RFC5: variants seen among roughly 807,000 people sequenced by gnomAD.
RFC5 encodes A1 36 kDa subunit.
In RFC5, 26 loss-of-function variants were observed where a neutral mutation model predicts 44.3. That is an observed-to-expected ratio of 0.59 (90% CI 0.43 to 0.81). The LOEUF is 0.81. Ranked by LOEUF, RFC5 falls within the 40% of genes least tolerant of loss-of-function variation. RFC5 has a pLI of 0.00. For synonymous variants in RFC5, 155 were observed against 155.2 expected (o/e 1.00, Z 0.01); for missense variants, 328 against 418.6 (o/e 0.78, Z 1.89).
At chr12:118,034,900 A>T (rs2031470670), downstream of RFC5, 2 of 1,341,336 alleles carry the variant, frequency 1.5e-6, no homozygotes, top group Non-Finnish European at 1.0e-6. Context: ...TAGGCAAGAA[A>T]ATTCTAGATG....
chr12:118,036,299 C>G, downstream of RFC5: 2 of 1,593,822 alleles, frequency 1.3e-6, no homozygotes. Flanking sequence ...CCTCATCAGT[C>G]CCCCCACAAA....
At chr12:118,021,285 C>G (rs1050120210) in intron 4 of RFC5, among the ~76,000 whole-genome samples, 10 of 151,458 alleles carry the variant, frequency 6.6e-5, no homozygotes, top group African/African-American at 2.4e-4. Context: ...GATCTCGGCT[C>G]ACTGCAACCT....
chr12:118,016,987 C>T (rs1481507929), intron 1 of RFC5, 95 bp downstream of exon 1: 5 of 967,454 alleles, frequency 5.2e-6, no homozygotes, highest in South Asian at 1.4e-5. Context: ...GACCCCAACC[C>T]GACCTCTTCC....
chr12:118,027,190 A>C, intron 8 of RFC5, 172 bp downstream of exon 8: 1 of 624,232 alleles, frequency 1.6e-6, no homozygotes, highest in Non-Finnish European at 2.8e-6. Flanking sequence ...TGTCTTTAGC[A>C]CTCCAGAGTT....
intron 7 of RFC5, 97 bp from the exon 8 acceptor site, chr12:118,026,792 T>A (rs2030972851): frequency 7.2e-7 from 1 of 1,381,600 alleles, no homozygotes; most frequent in Non-Finnish European, 1.0e-6. Context: ...GCTGCTCACC[T>A]GCATTGCTGC....
rs752999423 is a variant in RFC5, at chr12:118,026,874, CCT to C, written c.664-12_664-11del. The stretch of plus-strand genomic sequence containing the variant: ...CAGCCACTGTGATCTCCCCTTTCCC[CCT>C]CTGTCTACACAGAGCACCAATATGG... On this transcript the variant is annotated splice_polypyrimidine_tract_variant and intron_variant, in intron 7 of 10. Transcript: ENST00000454402. The C allele has an allele frequency of 2.5e-6, 4 of 1,610,950 alleles. No homozygotes were observed. Among genetic ancestry groups the C allele is most frequent in the Non-Finnish European group, 3.4e-6 (4 of 1,178,666 alleles).
intron 5 of RFC5, 110 bp downstream of exon 5, chr12:118,022,469 T>C: frequency 6.7e-6 from 5 of 746,456 alleles, no homozygotes; most frequent in Non-Finnish European, 6.8e-6. Flanking sequence ...GGGGGAGTTT[T>C]TTTTTCTTTT....
At chr12:118,038,484 T>TA in the RFC5 span, 1 of 1,127,800 alleles carries the variant, frequency 8.9e-7, no homozygotes. Context: ...CCCAGCCCAG[T>TA]ATACCCATCA....
chr12:118,032,917 G>A (rs16948110), downstream of RFC5: 2 of 151,890 alleles, frequency 1.3e-5, no homozygotes, highest in South Asian at 2.1e-4. Context: ...GCTTTTAACT[G>A]TTGTTTTTTT....
chr12:118,023,532 C>T (rs775684433), intron 5 of RFC5, among the ~76,000 whole-genome samples: 9 of 150,870 alleles, frequency 6.0e-5, no homozygotes, highest in East Asian at 2.0e-4. Context: ...AGGAGGACAG[C>T]GAGAATATCT....
intron 5 of RFC5, among the ~76,000 whole-genome samples, chr12:118,023,837 A>C (rs1449709660): frequency 6.6e-6 from 1 of 151,712 alleles, no homozygotes; most frequent in African/African-American, 2.4e-5. Flanking sequence ...ATGGGATTAC[A>C]TGGCAAAAGT....
At chr12:118,034,460 C>A, downstream of RFC5, 1 of 1,391,010 alleles carries the variant, frequency 7.2e-7, no homozygotes, top group Non-Finnish European at 9.8e-7. Flanking sequence ...GAGCAGGAGA[C>A]TTCGGAGAGT....
At chr12:118,039,930 G>A in the RFC5 span, among the ~76,000 whole-genome samples, 19 of 151,976 alleles carry the variant, frequency 1.3e-4, no homozygotes, top group East Asian at 3.3e-3. Flanking sequence ...ATTTTTAGTA[G>A]AGCCGGAGTT....
chr12:118,026,505 A>G (rs1179508085), intron 7 of RFC5, among the ~76,000 whole-genome samples: 1 of 152,184 alleles, frequency 6.6e-6, no homozygotes, highest in Non-Finnish European at 1.5e-5. Context: ...AGGCTGAGGC[A>G]GGAGGGTGAC....
In RFC5 at chr12:118,019,166, C is replaced by T; in HGVS notation, c.130+30C>T. 1 of 1,496,452 alleles carries T rather than the reference C, an allele frequency of 6.7e-7. No homozygotes were observed. Among genetic ancestry groups the T allele is most frequent in the Non-Finnish European group, 9.3e-7 (1 of 1,073,462 alleles). 92.7% of individuals were successfully genotyped at this position (1,496,452 alleles called of 1,614,324 possible). On this transcript the variant is annotated intron_variant, in intron 2 of 10. Coordinates refer to ENST00000454402, the MANE Select transcript of RFC5 (RefSeq NM_007370.7). This position sits in a 1 kb window ranked among gnomAD's most constrained non-coding sequence, Gnocchi z 4.2. ...GTATTCATGTGTCAGTTGCTCTTGT[C>T]CTGCTTGAGCGACTTGTATAAATTG...
chr12:118,019,614 T>C lies in RFC5; in HGVS notation c.131-18T>C. ...CTCCCAAAGACTGATGGTGCCCTTC[T>C]TCCTTCCTGATCCTCAGTTCAGAAG... On this transcript the variant is annotated intron_variant, in intron 2 of 10. Transcript: ENST00000454402. This position sits in a 1 kb window ranked among gnomAD's most constrained non-coding sequence, Gnocchi z 4.2. 6.2e-7 allele frequency: 1 copy of C among 1,613,910 alleles called. No homozygotes were observed. The highest frequency in any genetic ancestry group is 1.1e-5 in the South Asian group (1 of 91,080).
chr12:118,034,241 T>C, downstream of RFC5: 1 of 1,614,236 alleles, frequency 6.2e-7, no homozygotes, highest in Non-Finnish European at 8.5e-7. Flanking sequence ...TCTTGGGGAT[T>C]GGCAGTGCTA....
chr12:118,039,749 T>G, the RFC5 span, among the ~76,000 whole-genome samples: 17 of 152,180 alleles, frequency 1.1e-4, 1 homozygote, highest in Non-Finnish European at 1.6e-4. Flanking sequence ...TTTTTATTTT[T>G]TTTTATTTTT....
Position 118,026,954 on chromosome 12 carries a change from C to T in RFC5, c.729C>T (p.Leu243=), listed in dbSNP as rs751698483. ...ETVYTCTGHP[L]KSDIANILDW... ...TCTACACCTGCACCGGGCACCCGCT[C>T]AAGTCAGACATTGCCAACATCCTGG... Residue 243 remains leucine (L), a synonymous_variant, in exon 8 of 11, where the codon CTC becomes CTT. Transcript: ENST00000454402. 1.3e-5 allele frequency: 21 copies of T among 1,614,022 alleles called. 1 individual carries two copies. In the Admixed American group the frequency reaches 3.3e-4, roughly 26 times the overall value.
Sources: allele counts gnomAD v4.1 joint callset (sites outside exome capture counted in the v4.1 genomes callset), GRCh38; gene constraint gnomAD v4.1.1; non-coding constraint Gnocchi (gnomAD v3.1); transcripts MANE v1.5; gene names NCBI Gene and HGNC (gene_info 2026-07-23, HGNC 2026-07-21).